PTPRK: variants seen among roughly 807,000 people sequenced by gnomAD.
The protein encoded by PTPRK is protein tyrosine phosphatase receptor type K.
In PTPRK, 75 loss-of-function variants were observed where a neutral mutation model predicts 178.0. The ratio of observed to expected loss-of-function variants is 0.42; its 90% CI spans 0.35 to 0.51. PTPRK has a LOEUF of 0.51. PTPRK is among the 20% of genes least tolerant of loss of function. The pLI, the probability that PTPRK is intolerant of heterozygous loss-of-function variation, is 0.02. For synonymous variants in PTPRK, 637 were observed against 620.6 expected (o/e 1.03, Z -0.39); for missense variants, 1,441 against 1,797.8 (o/e 0.80, Z 3.59).
intron 7 of PTPRK, among the ~76,000 whole-genome samples, chr6:128,108,785 T>C (rs1475800306): frequency 6.6e-6 from 1 of 152,024 alleles, no homozygotes; most frequent in Non-Finnish European, 1.5e-5. Flanking sequence ...AATCTGAGAT[T>C]GGGGTGATAG....
chr6:128,416,647 TAAA>T (rs762520693), intron 1 of PTPRK, among the ~76,000 whole-genome samples: 4 of 121,490 alleles, frequency 3.3e-5, no homozygotes, highest in Non-Finnish European at 3.5e-5. Context: ...GACTCCATCT[TAAA>T]AAAAAAAAAA....
intron 7 of PTPRK, among the ~76,000 whole-genome samples, chr6:128,176,954 T>C (rs998153467): frequency 7.3e-5 from 11 of 151,686 alleles, no homozygotes; most frequent in Admixed American, 5.9e-4. Flanking sequence ...CAGAACCTGA[T>C]TTAGAGATTT....
intron 7 of PTPRK, among the ~76,000 whole-genome samples, chr6:128,154,836 A>G (rs1362451708): frequency 6.6e-6 from 1 of 151,852 alleles, no homozygotes; most frequent in Non-Finnish European, 1.5e-5. Context: ...TACTTTGGAA[A>G]ATATTAAACA....
intron 21 of PTPRK, 46 bp from the exon 22 acceptor site, chr6:127,985,921 C>A: frequency 1.9e-6 from 3 of 1,572,802 alleles, no homozygotes; most frequent in Non-Finnish European, 2.6e-6. Context: ...ATTTTAATGG[C>A]CAAAATAAAG....
intron 13 of PTPRK, among the ~76,000 whole-genome samples, chr6:128,016,289 G>A (rs1173160184): frequency 2.6e-5 from 4 of 151,872 alleles, no homozygotes. Flanking sequence ...GATGAAGGGT[G>A]ACGTTATAAA....
chr6:127,999,860 A>T (rs1777591614), intron 15 of PTPRK: 1 of 645,898 alleles, frequency 1.5e-6, no homozygotes, highest in Non-Finnish European at 1.9e-6. Flanking sequence ...TTAAAAAGTC[A>T]ACTGAATCCC....
rs567664545 is a variant in PTPRK at position 128,381,618 on chromosome 6, G to A, written c.223+15948C>T. On this transcript the variant is annotated intron_variant, in intron 2 of 29. Coordinates refer to ENST00000368226, the MANE Select transcript of PTPRK (RefSeq NM_002844.4). ...TTCATTCACCATCAGCTACATCCCA[G>A]ATACTACCAGATACTGCACTCTGTA... 6.6e-5 allele frequency among the ~76,000 whole-genome samples: 10 copies of A among 152,164 alleles called. No homozygotes were observed. The East Asian group carries it at 1.7e-3, about 26-fold the overall frequency.
At chr6:128,211,538 C>T (rs1808174114) in intron 6 of PTPRK, among the ~76,000 whole-genome samples, 1 of 152,098 alleles carries the variant, frequency 6.6e-6, no homozygotes, top group Non-Finnish European at 1.5e-5. Context: ...TAAATAATTA[C>T]ATATTATTAT....
intron 6 of PTPRK, among the ~76,000 whole-genome samples, chr6:128,210,455 A>AG (rs1191427586): frequency 0.033 from 121 of 3,622 alleles, no homozygotes; most frequent in Admixed American, 0.1. Context: ...ATTTTTGGGG[A>AG]GGGGGGGTGG....
intron 1 of PTPRK, among the ~76,000 whole-genome samples, chr6:128,402,939 G>T (rs1841215530): frequency 2.6e-5 from 4 of 152,132 alleles, no homozygotes; most frequent in Admixed American, 2.6e-4. Context: ...AGTATCCTTT[G>T]CCCTGCTTGT....
At chr6:128,119,820 G>C (rs1478410226) in intron 7 of PTPRK, among the ~76,000 whole-genome samples, 1 of 151,908 alleles carries the variant, frequency 6.6e-6, no homozygotes, top group Admixed American at 6.6e-5. Context: ...TGAACCGATG[G>C]ACATATTTTA....
At chr6:128,278,785 A>G (rs1821207811) in intron 3 of PTPRK, among the ~76,000 whole-genome samples, 1 of 152,210 alleles carries the variant, frequency 6.6e-6, no homozygotes, top group Non-Finnish European at 1.5e-5. Flanking sequence ...TGAAAAACTT[A>G]CTATAAAAAA....
chr6:128,520,209 G>T (rs1365891248), intron 1 of PTPRK, 50 bp downstream of exon 1: 2 of 1,503,146 alleles, frequency 1.3e-6, no homozygotes, highest in Non-Finnish European at 1.8e-6. Flanking sequence ...CTCACCCCTC[G>T]TGAGCCCAGG....
intron 8 of PTPRK, among the ~76,000 whole-genome samples, chr6:128,089,380 C>T (rs1172439109): frequency 6.6e-6 from 1 of 152,154 alleles, no homozygotes; most frequent in Non-Finnish European, 1.5e-5. Context: ...TGATATAGTG[C>T]CATGGAGAGT....
chr6:128,114,358 C>T (rs1209549468), intron 7 of PTPRK, among the ~76,000 whole-genome samples: 2 of 151,894 alleles, frequency 1.3e-5, no homozygotes, highest in Non-Finnish European at 2.9e-5. Flanking sequence ...TGGCTCATGC[C>T]TGTAATCTCA....
intron 8 of PTPRK, among the ~76,000 whole-genome samples, chr6:128,084,668 C>A (rs111802149): frequency 0.035 from 5,263 of 152,288 alleles, 160 homozygotes; most frequent in Middle Eastern, 0.088. Context: ...CTTCTATTGA[C>A]AAAATACCAG....
At chr6:128,315,593 T>G (rs998344845) in intron 3 of PTPRK, among the ~76,000 whole-genome samples, 1 of 152,136 alleles carries the variant, frequency 6.6e-6, no homozygotes, top group Admixed American at 6.6e-5. Context: ...GAGTAAAATT[T>G]AGTGTCCAAA....
chr6:128,168,677 CTGA>C (rs1562714102), intron 7 of PTPRK, among the ~76,000 whole-genome samples: 1 of 152,046 alleles, frequency 6.6e-6, no homozygotes, highest in Non-Finnish European at 1.5e-5. Flanking sequence ...TAACTAATGC[CTGA>C]TGATCTGAGG....
Position 128,471,833 on chromosome 6 carries a change from G to T in PTPRK, c.100+48426C>A, listed in dbSNP as rs75759823. Among the ~76,000 whole-genome samples, 15 of 151,870 alleles carry T rather than the reference G, an allele frequency of 9.9e-5. 1 individual carries two copies. Among genetic ancestry groups the T allele is most frequent in the Admixed American group, 7.9e-4 (12 of 15,200 alleles). ...CTGGGTTTCAAATGAGTTGAATATC[G>T]TCATGCTGATTATGGTTTCTCTTCA... On this transcript the variant is annotated intron_variant, in intron 1 of 29. Transcript: ENST00000368226.
Sources: allele counts gnomAD v4.1 joint callset (sites outside exome capture counted in the v4.1 genomes callset), GRCh38; gene constraint gnomAD v4.1.1; transcripts MANE v1.5; gene names NCBI Gene and HGNC (gene_info 2026-07-23, HGNC 2026-07-21).